Variants in DOCK2 observed in about 807,000 individuals in gnomAD.
DOCK2 encodes the protein dedicator of cytokinesis protein 2.
DOCK2 carries 87 observed loss-of-function variants against 248.9 expected under a neutral mutation model. The observed-to-expected ratio is 0.35, with a 90% CI of 0.29 to 0.42. The LOEUF (loss-of-function observed/expected upper bound fraction) is 0.42, where lower values mean the gene tolerates loss of function less well. Among genes scored for constraint, DOCK2 ranks in the 10% least tolerant of loss-of-function variants. The probability of loss-of-function intolerance (pLI) is 1.00; values close to 1 mark genes in which losing one functional copy is unlikely to be tolerated. For missense variants in DOCK2, 1,747 were observed against 2,300.2 expected, an observed-to-expected ratio of 0.76 and a Z score of 4.92; for synonymous variants, 805 against 821.6, an observed-to-expected ratio of 0.98 and a Z score of 0.35.
intron 27 of DOCK2, among the ~76,000 whole-genome samples, chr5:169,928,043 T>C (rs59090923): frequency 0.018 from 2,728 of 152,140 alleles, 76 homozygotes; most frequent in African/African-American, 0.061. Context: ...CTTAAACAGG[T>C]GGTAGAGAGG....
Position 169,996,113 on chromosome 5 carries a change from T to C in DOCK2, c.3021T>C (p.Phe1007=), listed in dbSNP as rs1754623306. 2 of 1,614,024 alleles carry C rather than the reference T, an allele frequency of 1.2e-6. No homozygotes were observed. Among genetic ancestry groups the C allele is most frequent in the Non-Finnish European group, 1.7e-6 (2 of 1,179,898 alleles). The change falls in exon 30 of 52, where the codon TTT becomes TTC. Residue 1007 remains phenylalanine (F), a synonymous_variant. Transcript: ENST00000520908. ...NRVFLRAINK[F]AETMNQKFLE... is the part of the protein sequence containing the mutation. ...TCTTCCTGAGAGCTATCAACAAGTT[T>C]GCAGAAACCATGAACCAGAAGTTCC...
At chr5:169,896,185 C>T (rs1175950138) in intron 27 of DOCK2, among the ~76,000 whole-genome samples, 6 of 149,664 alleles carry the variant, frequency 4.0e-5, no homozygotes, top group African/African-American at 1.5e-4. Flanking sequence ...GGTCGGGGGG[C>T]GGGGAGGCAG....
chr5:170,041,947 C>T, intron 37 of DOCK2, 66 bp from the exon 38 acceptor site: 1 of 1,575,248 alleles, frequency 6.3e-7, no homozygotes, highest in Non-Finnish European at 8.6e-7. Flanking sequence ...GCCTTTAATC[C>T]TAGGAAGACA....
At chr5:169,857,511 A>G (rs918817597) in intron 27 of DOCK2, among the ~76,000 whole-genome samples, 1 of 152,198 alleles carries the variant, frequency 6.6e-6, no homozygotes, top group Non-Finnish European at 1.5e-5. Context: ...TTCTCCACAT[A>G]GCAGCCAAAG....
At chr5:169,899,957 A>G (rs1372124797) in intron 27 of DOCK2, among the ~76,000 whole-genome samples, 1 of 152,180 alleles carries the variant, frequency 6.6e-6, no homozygotes, top group Non-Finnish European at 1.5e-5. Flanking sequence ...TCCTTCCACT[A>G]AGATCATGAG....
chr5:169,755,805 A>T (rs577897626), intron 23 of DOCK2, among the ~76,000 whole-genome samples: 32 of 152,322 alleles, frequency 2.1e-4, no homozygotes, highest in African/African-American at 6.7e-4. Flanking sequence ...AGTTCCCAGG[A>T]TAGAAACATG....
At chr5:169,819,776 G>T (rs181690303) in intron 26 of DOCK2, among the ~76,000 whole-genome samples, 98 of 152,318 alleles carry the variant, frequency 6.4e-4, no homozygotes, top group African/African-American at 2.2e-3. Flanking sequence ...AGTGAGTGCA[G>T]GACAGTGGGG....
In DOCK2 at chr5:169,947,568, G is replaced by A. The variant is rs557772489; in HGVS notation, c.2800-35500G>A. The stretch of plus-strand genomic sequence containing the variant: ...TCAGGGCATCTGCCCTGGCATCTGG[G>A]CCTTTCTGACCCTCCACATTAAGCT... On this transcript the variant is annotated intron_variant, in intron 27 of 51. Coordinates refer to ENST00000520908, the MANE Select transcript of DOCK2 (RefSeq NM_004946.3). Among the ~76,000 whole-genome samples, 3 of 152,282 alleles carry A rather than the reference G, an allele frequency of 2.0e-5. No homozygotes were observed. The East Asian group carries it at 5.8e-4, about 29-fold the overall frequency.
intron 26 of DOCK2, among the ~76,000 whole-genome samples, chr5:169,806,832 A>G (rs1040854040): frequency 1.3e-5 from 2 of 151,978 alleles, no homozygotes; most frequent in Admixed American, 1.3e-4. Context: ...ATCTTGGGGT[A>G]GGGGAACCAG....
chr5:169,926,764 C>A (rs1043156690), intron 27 of DOCK2, among the ~76,000 whole-genome samples: 6 of 152,210 alleles, frequency 3.9e-5, no homozygotes, highest in Non-Finnish European at 7.3e-5. Context: ...TGGCTGGATG[C>A]ATTCATTTAG....
chr5:170,076,108 G>A (rs1159196679), intron 47 of DOCK2, 24 bp downstream of exon 47: 11 of 1,604,672 alleles, frequency 6.9e-6, no homozygotes, highest in Non-Finnish European at 9.4e-6. Context: ...CTATGGCTTG[G>A]AGGGGTGGGA....
At chr5:170,056,101 A>G (rs2113857674) in intron 42 of DOCK2, among the ~76,000 whole-genome samples, 1 of 152,302 alleles carries the variant, frequency 6.6e-6, no homozygotes, top group Middle Eastern at 3.4e-3. Flanking sequence ...CCCTTCAGGG[A>G]GAGGCAGCCC....
At chr5:169,899,297 C>T (rs1288004714) in intron 27 of DOCK2, among the ~76,000 whole-genome samples, 1 of 152,176 alleles carries the variant, frequency 6.6e-6, no homozygotes, top group Non-Finnish European at 1.5e-5. Context: ...CTTAGATCCT[C>T]AGAGTGCCTG....
chr5:169,810,983 T>TCACACACACACA (rs781388716), intron 26 of DOCK2, among the ~76,000 whole-genome samples: 2 of 84,916 alleles, frequency 2.4e-5, no homozygotes, highest in African/African-American at 4.1e-5. Flanking sequence ...TCTCTCTCTC[T>TCACACACACACA]CTCTCTCACA....
intron 27 of DOCK2, among the ~76,000 whole-genome samples, chr5:169,908,808 A>G (rs575144737): frequency 6.9e-6 from 1 of 145,768 alleles, no homozygotes; most frequent in South Asian, 2.2e-4. Context: ...TCTGCCTCCC[A>G]GGTTCAAGCA....
At chr5:170,063,945 A>C (rs7737661) in intron 44 of DOCK2, among the ~76,000 whole-genome samples, 3,526 of 152,178 alleles carry the variant, frequency 0.023, 161 homozygotes, top group African/African-American at 0.081. Flanking sequence ...GATGGAAAAA[A>C]CTGGAACACA....
At chr5:170,060,502 C>A (rs1209317459) in intron 44 of DOCK2, among the ~76,000 whole-genome samples, 1 of 152,160 alleles carries the variant, frequency 6.6e-6, no homozygotes, top group African/African-American at 2.4e-5. Context: ...AGTGACAGAC[C>A]TCCGCCAGCC....
chr5:169,687,954 C>T (rs1760080754), intron 8 of DOCK2, among the ~76,000 whole-genome samples: 1 of 152,128 alleles, frequency 6.6e-6, no homozygotes, highest in Admixed American at 6.5e-5. Flanking sequence ...GAGATGGAGT[C>T]TCCCTTTTCA....
intron 25 of DOCK2, 128 bp from the exon 26 acceptor site, chr5:169,802,930 A>G: frequency 8.4e-7 from 1 of 1,191,930 alleles, no homozygotes. Context: ...AATCTTTAAT[A>G]TTTTAATTTT....
Sources: gnomAD v4.1 joint callset for allele counts (sites outside exome capture counted in the v4.1 genomes callset) on GRCh38, gnomAD v4.1.1 for gene constraint, MANE v1.5 for transcripts, NCBI Gene and HGNC (gene_info 2026-07-23, HGNC 2026-07-21) for gene names.